NID1: variants seen among roughly 807,000 people sequenced by gnomAD.
The protein encoded by NID1 is nidogen 1.
NID1 carries 76 observed loss-of-function variants against 130.6 expected under a neutral mutation model. The observed-to-expected ratio is 0.58, with a 90% CI of 0.48 to 0.70. The LOEUF is 0.70. Among genes scored for constraint, NID1 ranks in the 30% least tolerant of loss-of-function variants. NID1 has a pLI of 0.00. For synonymous variants in NID1, 665 were observed against 675.1 expected, an observed-to-expected ratio of 0.98 and a Z score of 0.23; for missense variants, 1,517 against 1,664.8, an observed-to-expected ratio of 0.91 and a Z score of 1.54.
chr1:235,981,931 A>C, intron 15 of NID1, 149 bp from the exon 16 acceptor site: 5 of 720,352 alleles, frequency 6.9e-6, no homozygotes, highest in Non-Finnish European at 1.1e-5. Flanking sequence ...TGTTGTTTAT[A>C]AGATAAACAA....
chr1:236,038,436 C>A (rs1296289692), intron 4 of NID1, among the ~76,000 whole-genome samples, 183 bp from the exon 5 acceptor site: 1 of 152,074 alleles, frequency 6.6e-6, no homozygotes, highest in Non-Finnish European at 1.5e-5. Context: ...GTTACGTGAG[C>A]CTGGGCAACA....
chr1:236,020,829 T>C (rs1297902503), intron 9 of NID1, among the ~76,000 whole-genome samples: 1 of 152,054 alleles, frequency 6.6e-6, no homozygotes, highest in East Asian at 1.9e-4. Flanking sequence ...TCCACGGAGG[T>C]AATAAGTCAG....
intron 10 of NID1, among the ~76,000 whole-genome samples, chr1:236,015,670 GA>G (rs1658570817): frequency 8.9e-6 from 1 of 112,046 alleles, no homozygotes; most frequent in Non-Finnish European, 2.0e-5. Flanking sequence ...AAAAAAAAGG[GA>G]GGCTAGAGCT....
At chr1:236,042,400 C>T (rs1212332901) in intron 3 of NID1, 108 bp from the exon 4 acceptor site, 5 of 1,401,458 alleles carry the variant, frequency 3.6e-6, no homozygotes, top group South Asian at 2.6e-5. Context: ...CAAGCCATCA[C>T]CTGCAGCTAG....
Position 236,013,492 on chromosome 1 carries a change from C to G in NID1, c.2323G>C (p.Ala775Pro). 6.2e-7 allele frequency: 1 copy of G among 1,613,258 alleles called. No individual in the cohort carries two copies. Among genetic ancestry groups the G allele is most frequent in the East Asian group, 2.2e-5 (1 of 44,818 alleles). Reference protein sequence around the residue: ...GLHNCDIPQRAQCIYTGGSSY... With the variant: ...GLHNCDIPQRPQCIYTGGSSY... ...GAGCCTCCTGTGTAGATACACTGGG[C>G]CCGCTGGGGTATGTCGCAGTTATGA... The change falls in exon 11 of 20, where the codon GCC becomes CCC. Residue 775 changes from alanine (A) to proline (P), a missense_variant. Coordinates refer to ENST00000264187, the MANE Select transcript of NID1 (RefSeq NM_002508.3).
At chr1:236,014,967 C>T (rs142085302) in intron 10 of NID1, among the ~76,000 whole-genome samples, 2 of 152,334 alleles carry the variant, frequency 1.3e-5, no homozygotes, top group East Asian at 1.9e-4. Flanking sequence ...TATGAGTTTA[C>T]AGAAAATGCC....
intron 12 of NID1, among the ~76,000 whole-genome samples, chr1:236,001,461 T>C (rs952188728): frequency 6.6e-6 from 1 of 152,114 alleles, no homozygotes; most frequent in Non-Finnish European, 1.5e-5. Context: ...AAATAGACAC[T>C]TGTTAGTCCA....
At chr1:236,033,235 G>A (rs563417027) in intron 5 of NID1, among the ~76,000 whole-genome samples, 4 of 152,308 alleles carry the variant, frequency 2.6e-5, no homozygotes, top group African/African-American at 9.6e-5. Context: ...TTGAACCCGG[G>A]AGGCTAAGGT....
intron 7 of NID1, among the ~76,000 whole-genome samples, chr1:236,027,377 C>T (rs543709987): frequency 1.6e-4 from 25 of 152,308 alleles, no homozygotes; most frequent in Middle Eastern, 3.4e-3. Context: ...AGCTCCCACA[C>T]GCCAGAAAGG....
chr1:236,057,776 GA>G (rs1179969394), intron 1 of NID1, among the ~76,000 whole-genome samples: 2 of 151,940 alleles, frequency 1.3e-5, no homozygotes, highest in African/African-American at 2.4e-5. Flanking sequence ...GAAAAGAAAA[GA>G]AAAAAAGAAA....
At chr1:236,004,198 G>A (rs896997374) in intron 12 of NID1, among the ~76,000 whole-genome samples, 4 of 152,136 alleles carry the variant, frequency 2.6e-5, no homozygotes, top group Non-Finnish European at 4.4e-5. Context: ...AAGAATGCAG[G>A]AGCTTACTTT....
chr1:235,978,911 G>A, intron 19 of NID1, 84 bp downstream of exon 19: 2 of 871,922 alleles, frequency 2.3e-6, no homozygotes. Context: ...GGCTACTAGT[G>A]GCCATACGGG....
chr1:235,990,905 T>A lies in NID1; in HGVS notation c.2909A>T (p.Lys970Met). The change falls in exon 14 of 20, where the codon AAG becomes ATG. Residue 970 changes from lysine (K) to methionine (M), a missense_variant. By Grantham distance (95) the Lys-to-Met change is moderately conservative. This residue lies in a region of NID1 where 1,329 missense variants were observed against 1,429.2 expected (regional missense o/e 0.93). Transcript: ENST00000264187. ...ACTCACCGGGACATGAAGGAACGCCTTTGCTTCTGTCTTCCTCATGGTATT... is the reference window on the plus strand; with the variant it reads ...ACTCACCGGGACATGAAGGAACGCCATTGCTTCTGTCTTCCTCATGGTATT... ...EGNTMRKTEA[K>M]AFLHVPAKVI... 6.2e-7 allele frequency: 1 copy of A among 1,614,080 alleles called. No individual in the cohort carries two copies. Among genetic ancestry groups the A allele is most frequent in the South Asian group, 1.1e-5 (1 of 91,068 alleles).
chr1:235,981,017 C>G (rs1657421364), intron 16 of NID1, among the ~76,000 whole-genome samples: 1 of 152,168 alleles, frequency 6.6e-6, no homozygotes, highest in South Asian at 2.1e-4. Context: ...CCCAGGGGAC[C>G]AGACTAGGAC....
chr1:235,996,384 G>C (rs975717878), intron 12 of NID1, among the ~76,000 whole-genome samples: 1 of 152,112 alleles, frequency 6.6e-6, no homozygotes, highest in African/African-American at 2.4e-5. Context: ...GGAATGCCTA[G>C]GTGCTTTTTT....
intron 16 of NID1, among the ~76,000 whole-genome samples, chr1:235,981,306 T>A (rs577307527): frequency 6.6e-6 from 1 of 152,128 alleles, no homozygotes; most frequent in Non-Finnish European, 1.5e-5. Context: ...TCTTCTGGAG[T>A]TGATATAACC....
intron 1 of NID1, among the ~76,000 whole-genome samples, chr1:236,053,747 T>A (rs887733079): frequency 2.6e-5 from 4 of 152,010 alleles, no homozygotes; most frequent in Non-Finnish European, 1.5e-5. Context: ...TACATATGAG[T>A]CTCCCCACTT....
rs201120333 is a variant in NID1, at chr1:236,053,206, C to CATTT, written c.226-4221_226-4218dup. ...TCATCTTAAATGTATGTAGAGCTCA[C>CATTT]ATTTATTTATTTCAATGTTTAATAC... is the stretch of plus-strand genomic sequence containing the variant. On this transcript the variant is annotated intron_variant, in intron 1 of 19. Transcript: ENST00000264187. Among the ~76,000 whole-genome samples, 893 of 152,240 alleles carry CATTT rather than the reference C, an allele frequency of 5.9e-3. 11 individuals are homozygous for CATTT. The highest frequency in any genetic ancestry group is 0.021 in the African/African-American group (859 of 41,524).
rs7532267 is a variant in NID1 at position 236,028,066 on chromosome 1, G to T, written c.1738+1484C>A. Among the ~76,000 whole-genome samples, 1,299 of 152,108 alleles carry T rather than the reference G, an allele frequency of 8.5e-3. 19 individuals are homozygous for T. The highest frequency in any genetic ancestry group is 0.029 in the African/African-American group (1,202 of 41,512). ...GTCTTAGAAAAGAATCAGAAATTTG[G>T]CCAAGATTTATGATTAAGACAATCA... On this transcript the variant is annotated intron_variant, in intron 7 of 19. Transcript: ENST00000264187.
Sources: gnomAD v4.1 joint callset for allele counts (sites outside exome capture counted in the v4.1 genomes callset) on GRCh38, gnomAD v4.1.1 for gene constraint, gnomAD v4.1.1 regional missense constraint, MANE v1.5 for transcripts, NCBI Gene and HGNC (gene_info 2026-07-23, HGNC 2026-07-21) for gene names.